TLE4: variants seen among roughly 807,000 people sequenced by gnomAD.
TLE4 encodes the protein TLE family member 4, transcriptional corepressor, also known as transducin-like enhancer protein 4.
A neutral mutation model predicts 92.8 loss-of-function variants in TLE4; 8 were observed. The observed-to-expected ratio is 0.09, with a 90% confidence interval of 0.05 to 0.16. The LOEUF (loss-of-function observed/expected upper bound fraction) is 0.16. TLE4 is among the 10% of genes least tolerant of loss of function. The pLI is 1.00. For missense variants in TLE4, 675 were observed against 997.6 expected, an observed-to-expected ratio of 0.68 and a Z score of 4.36; for synonymous variants, 371 against 374.1, an observed-to-expected ratio of 0.99 and a Z score of 0.10.
chr9:79,677,227 T>A (rs1453916017), intron 8 of TLE4, among the ~76,000 whole-genome samples: 1 of 152,186 alleles, frequency 6.6e-6, no homozygotes, highest in Non-Finnish European at 1.5e-5. Context: ...TCTCAGTAAA[T>A]GTATCATGTA....
At position 79,720,102 on chromosome 9, in the gene TLE4, T is replaced by A; in HGVS notation, c.1647T>A (p.Ile549=). Residue 549 remains isoleucine (I), a synonymous_variant, in exon 16 of 20, where the codon ATT becomes ATA. Transcript: ENST00000376552. Reference sequence around the variant, plus strand: ...TGCTCCCTGATGGTCGCACCCTAATTGTTGGAGGGGAAGCCAGTACTTTGT... The same window carrying A: ...TGCTCCCTGATGGTCGCACCCTAATAGTTGGAGGGGAAGCCAGTACTTTGT... The part of the protein sequence containing the change: ...CRLLPDGRTL[I]VGGEASTLSI... 1 of 1,614,052 alleles carries A rather than the reference T, an allele frequency of 6.2e-7. No homozygotes were observed. Among genetic ancestry groups the A allele is most frequent in the Non-Finnish European group, 8.5e-7 (1 of 1,179,974 alleles).
intron 6 of TLE4, among the ~76,000 whole-genome samples, chr9:79,643,575 C>A (rs2057563502): frequency 6.6e-6 from 1 of 152,148 alleles, no homozygotes; most frequent in Admixed American, 6.5e-5. Context: ...AGATTCCAGG[C>A]CAGTTTTCTG....
chr9:79,623,665 T>A (rs1056547989), intron 5 of TLE4, among the ~76,000 whole-genome samples: 1 of 151,428 alleles, frequency 6.6e-6, no homozygotes, highest in Non-Finnish European at 1.5e-5. Flanking sequence ...TCAGTAACTT[T>A]ACAGAGTCGT....
rs753799876 is a variant in TLE4, at chr9:79,719,542, CA to C, written c.1591-503del. On this transcript the variant is annotated intron_variant, in intron 15 of 19. Transcript: ENST00000376552. ...CCATGATCAAGTCTTGCCTCTGGTG[CA>C]GCTTTCATCAAATGCATGATGCCCT... Among the ~76,000 whole-genome samples the C allele has an allele frequency of 8.4e-4, 128 of 152,258 alleles. 2 individuals are homozygous for C. Among genetic ancestry groups the C allele is most frequent in the Non-Finnish European group, 4.0e-4 (27 of 68,020 alleles).
chr9:79,595,028 G>A (rs2043607869), intron 4 of TLE4, among the ~76,000 whole-genome samples: 1 of 152,110 alleles, frequency 6.6e-6, no homozygotes, highest in Non-Finnish European at 1.5e-5. Flanking sequence ...ACATTGGCAG[G>A]CATCATGACC....
At chr9:79,665,415 T>C (rs1182515592) in intron 8 of TLE4, among the ~76,000 whole-genome samples, 1 of 152,238 alleles carries the variant, frequency 6.6e-6, no homozygotes, top group Non-Finnish European at 1.5e-5. Context: ...TGCTGCCTTC[T>C]GAGTAGAATA....
intron 8 of TLE4, among the ~76,000 whole-genome samples, chr9:79,679,277 A>G (rs11138323): frequency 0.89 from 135,393 of 151,992 alleles, 60,310 homozygotes; most frequent in African/African-American, 0.91. Context: ...CTCCTCTCCA[A>G]CACCTGTTGT....
At chr9:79,666,373 A>C (rs1373177740) in intron 8 of TLE4, among the ~76,000 whole-genome samples, 2 of 151,970 alleles carry the variant, frequency 1.3e-5, no homozygotes, top group Non-Finnish European at 2.9e-5. Flanking sequence ...GATTATAGGC[A>C]CGTGCCACCA....
intron 6 of TLE4, among the ~76,000 whole-genome samples, chr9:79,637,615 A>G (rs185489446): frequency 6.6e-6 from 1 of 152,160 alleles, no homozygotes; most frequent in Non-Finnish European, 1.5e-5. Flanking sequence ...GTTAGTCTAA[A>G]TTGTCTGAAT....
At chr9:79,693,214 CGTT>C (rs1441174634) in intron 8 of TLE4, among the ~76,000 whole-genome samples, 3 of 152,068 alleles carry the variant, frequency 2.0e-5, no homozygotes, top group South Asian at 2.1e-4. Context: ...CTTGTGAAGT[CGTT>C]GTTATTCTTC....
intron 8 of TLE4, among the ~76,000 whole-genome samples, chr9:79,666,331 G>A (rs573630973): frequency 2.0e-5 from 3 of 150,496 alleles, no homozygotes; most frequent in South Asian, 2.1e-4. Context: ...GGGTTCAAAC[G>A]ATTCTCCTGC....
At chr9:79,708,914 C>T in intron 13 of TLE4, 128 bp downstream of exon 13, 1 of 1,145,562 alleles carries the variant, frequency 8.7e-7, no homozygotes, top group Non-Finnish European at 1.2e-6. Context: ...TCACTGCAGC[C>T]TCTGCCTCCT....
At chr9:79,639,809 A>G (rs930531618) in intron 6 of TLE4, among the ~76,000 whole-genome samples, 11 of 152,184 alleles carry the variant, frequency 7.2e-5, no homozygotes, top group African/African-American at 2.2e-4. Context: ...AATATACTCT[A>G]TAATTGCACA....
intron 6 of TLE4, among the ~76,000 whole-genome samples, chr9:79,643,092 A>G (rs1005403950): frequency 1.3e-5 from 2 of 152,222 alleles, no homozygotes; most frequent in Non-Finnish European, 2.9e-5. Flanking sequence ...TTGTTAAAGT[A>G]AGGTAAGAAG....
intron 14 of TLE4, among the ~76,000 whole-genome samples, chr9:79,717,278 C>G (rs2074692581): frequency 6.6e-6 from 1 of 152,188 alleles, no homozygotes; most frequent in South Asian, 2.1e-4. Context: ...GTCATCTTTA[C>G]TAGGTAATGC....
At chr9:79,631,882 G>A (rs185900744) in intron 6 of TLE4, among the ~76,000 whole-genome samples, 1 of 152,260 alleles carries the variant, frequency 6.6e-6, no homozygotes, top group Admixed American at 6.5e-5. Context: ...AAATGTGTGT[G>A]TGTGTGTTTC....
At chr9:79,639,270 C>T (rs1308653138) in intron 6 of TLE4, among the ~76,000 whole-genome samples, 1 of 152,012 alleles carries the variant, frequency 6.6e-6, no homozygotes, top group Non-Finnish European at 1.5e-5. Flanking sequence ...AAAATTCAGG[C>T]CATTTTTGGG....
At chr9:79,651,031 ATCTCTCTCTCTCTCTCTCTCTCTC>A (rs10580766) in intron 6 of TLE4, among the ~76,000 whole-genome samples, 1 of 138,744 alleles carries the variant, frequency 7.2e-6, no homozygotes, top group African/African-American at 2.8e-5. Context: ...GGAATGATCG[ATCTCTCTCTCTCTCTCTCTCTCTC>A]TCTCTCTCTC....
chr9:79,644,232 C>G (rs2057703910), intron 6 of TLE4, among the ~76,000 whole-genome samples: 1 of 152,086 alleles, frequency 6.6e-6, no homozygotes, highest in Non-Finnish European at 1.5e-5. Context: ...CTTCTGCTTC[C>G]TGCTGCCACG....
Sources: allele counts gnomAD v4.1 joint callset (sites outside exome capture counted in the v4.1 genomes callset), GRCh38; gene constraint gnomAD v4.1.1; transcripts MANE v1.5; gene names NCBI Gene and HGNC (gene_info 2026-07-23, HGNC 2026-07-21).